The following CSMD1 variants were observed in gnomAD, a reference collection of about 807,000 sequenced individuals.
The protein encoded by CSMD1 is CUB and Sushi multiple domains 1.
In CSMD1, 213 loss-of-function variants were observed where a neutral mutation model predicts 417.5. The observed-to-expected ratio is 0.51, with a 90% CI of 0.46 to 0.57. The LOEUF (loss-of-function observed/expected upper bound fraction) is 0.57. Among genes scored for constraint, CSMD1 ranks in the 20% least tolerant of loss-of-function variants. The probability of loss-of-function intolerance (pLI) is 0.00; values close to 1 mark genes in which losing one functional copy is unlikely to be tolerated. For missense variants in CSMD1, 6,923 were observed against 4,529.7 expected (o/e 1.53, Z -15.17); for synonymous variants, 2,862 against 1,736.8 (o/e 1.65, Z -16.11).
In CSMD1 at chr8:3,189,973, G is replaced by A. The variant is rs35125470; in HGVS notation, c.5337C>T (p.Leu1779=). 1.3e-6 allele frequency: 2 copies of A among 1,598,192 alleles called. No individual in the cohort carries two copies. Among genetic ancestry groups the A allele is most frequent in the Non-Finnish European group, 1.7e-6 (2 of 1,172,776 alleles). The part of the protein sequence containing the change: ...PGYLLQGSTA[L]HCQSVPNALA... The stretch of plus-strand genomic sequence containing the variant: ...AGGCGTTGGGCACGGACTGGCAGTG[G>A]AGCGCCGTGGAACCCTGAAGCAGGT... The change falls in exon 34 of 70, where the codon CTC becomes CTT. Residue 1779 remains leucine (L), a synonymous_variant. Transcript: ENST00000635120.
chr8:3,419,179 C>T (rs1041072165), intron 12 of CSMD1, among the ~76,000 whole-genome samples: 1 of 152,174 alleles, frequency 6.6e-6, no homozygotes, highest in Non-Finnish European at 1.5e-5. Flanking sequence ...GAACTTTTTG[C>T]CTTATCAAGT....
chr8:3,745,847 T>G (rs1797041265), intron 6 of CSMD1, among the ~76,000 whole-genome samples: 1 of 152,230 alleles, frequency 6.6e-6, no homozygotes, highest in Non-Finnish European at 1.5e-5. Context: ...GTGAATAATC[T>G]GTGGTTTCCC....
intron 9 of CSMD1, among the ~76,000 whole-genome samples, chr8:3,579,790 G>T (rs191632684): frequency 1.3e-5 from 2 of 152,148 alleles, no homozygotes; most frequent in African/African-American, 4.8e-5. Context: ...AGACAATAAA[G>T]CATTTACTAC....
At chr8:4,338,314 A>T (rs1192421110) in intron 3 of CSMD1, among the ~76,000 whole-genome samples, 1 of 152,162 alleles carries the variant, frequency 6.6e-6, no homozygotes, top group African/African-American at 2.4e-5. Context: ...TTAGTTACAC[A>T]TTTACCTCGT....
chr8:3,368,918 G>C (rs1484210560), intron 19 of CSMD1, among the ~76,000 whole-genome samples: 1 of 152,138 alleles, frequency 6.6e-6, no homozygotes, highest in African/African-American at 2.4e-5. Context: ...TTGGAAGTTG[G>C]ACAATCGCTT....
chr8:4,722,339 T>C (rs538565103), intron 1 of CSMD1, among the ~76,000 whole-genome samples: 1 of 152,178 alleles, frequency 6.6e-6, no homozygotes, highest in Non-Finnish European at 1.5e-5. Flanking sequence ...TTAATATCCA[T>C]GCAGATTTTA....
intron 3 of CSMD1, among the ~76,000 whole-genome samples, chr8:4,119,128 G>C (rs143751855): frequency 6.6e-6 from 1 of 152,046 alleles, no homozygotes; most frequent in African/African-American, 2.4e-5. Flanking sequence ...ATTAGGGAAC[G>C]TACCTAATGC....
chr8:4,439,857 T>C (rs762843602), intron 2 of CSMD1, among the ~76,000 whole-genome samples: 2 of 152,148 alleles, frequency 1.3e-5, no homozygotes, highest in East Asian at 1.9e-4. Flanking sequence ...CTTCGAAAGA[T>C]AGGATGGTGT....
At chr8:4,823,192 G>C (rs940559088) in intron 1 of CSMD1, among the ~76,000 whole-genome samples, 3 of 151,896 alleles carry the variant, frequency 2.0e-5, no homozygotes, top group African/African-American at 7.3e-5. Context: ...TTTAAGCCTA[G>C]GTTCTTATTA....
intron 39 of CSMD1, among the ~76,000 whole-genome samples, chr8:3,156,707 T>A (rs987207188): frequency 6.6e-6 from 1 of 152,030 alleles, no homozygotes; most frequent in Non-Finnish European, 1.5e-5. Flanking sequence ...GAACAAAATA[T>A]GAAAATTTTA....
intron 11 of CSMD1, among the ~76,000 whole-genome samples, chr8:3,491,465 G>C (rs1317478418): frequency 6.6e-6 from 1 of 152,186 alleles, no homozygotes; most frequent in Non-Finnish European, 1.5e-5. Context: ...GACATTACTA[G>C]TGTTATTCTC....
chr8:4,413,141 G>T (rs1303029830), intron 3 of CSMD1, among the ~76,000 whole-genome samples: 1 of 152,172 alleles, frequency 6.6e-6, no homozygotes, highest in Admixed American at 6.5e-5. Context: ...AATATGGACA[G>T]TCTCACAGTG....
intron 36 of CSMD1, among the ~76,000 whole-genome samples, chr8:3,183,476 TCTCTAA>T (rs1821555532): frequency 1.3e-4 from 9 of 70,082 alleles, no homozygotes; most frequent in Non-Finnish European, 2.4e-4. Context: ...ATCGAGTAGG[TCTCTAA>T]CGTTTCTTAA....
At chr8:3,134,992 C>T (rs1254280289) in intron 41 of CSMD1, among the ~76,000 whole-genome samples, 1 of 152,076 alleles carries the variant, frequency 6.6e-6, no homozygotes, top group Non-Finnish European at 1.5e-5. Flanking sequence ...GATGTGATGG[C>T]AGCTCATTGC....
chr8:3,218,265 T>C (rs2116841168), intron 29 of CSMD1, among the ~76,000 whole-genome samples: 1 of 152,158 alleles, frequency 6.6e-6, no homozygotes, highest in South Asian at 2.1e-4. Context: ...AATGTTGAGA[T>C]AAAATGAAGT....
intron 1 of CSMD1, among the ~76,000 whole-genome samples, chr8:4,750,239 C>T (rs1174351371): frequency 2.1e-5 from 3 of 145,908 alleles, no homozygotes; most frequent in African/African-American, 8.4e-5. Flanking sequence ...GATCTCCCGA[C>T]ATTGTGATCC....
At chr8:4,523,047 T>C (rs1164376107) in intron 2 of CSMD1, among the ~76,000 whole-genome samples, 1 of 152,180 alleles carries the variant, frequency 6.6e-6, no homozygotes, top group African/African-American at 2.4e-5. Context: ...TTTCATAAGC[T>C]CTGCAGAGCT....
chr8:4,541,388 A>C (rs1797375755), intron 2 of CSMD1, among the ~76,000 whole-genome samples: 1 of 152,112 alleles, frequency 6.6e-6, no homozygotes, highest in Non-Finnish European at 1.5e-5. Flanking sequence ...AGTTTTGCTT[A>C]TTTTGTAAGC....
intron 3 of CSMD1, among the ~76,000 whole-genome samples, chr8:4,129,164 C>G (rs1802944398): frequency 6.6e-6 from 1 of 150,730 alleles, no homozygotes; most frequent in African/African-American, 2.4e-5. Flanking sequence ...CCAACACATC[C>G]CCAACCTCTT....
Sources: allele counts gnomAD v4.1 joint callset (sites outside exome capture counted in the v4.1 genomes callset), GRCh38; gene constraint gnomAD v4.1.1; transcripts MANE v1.5; gene names NCBI Gene and HGNC (gene_info 2026-07-23, HGNC 2026-07-21).